The following STXBP5L variants were observed in gnomAD, a reference collection of about 807,000 sequenced individuals.
STXBP5L encodes the protein syntaxin binding protein 5L.
A neutral mutation model predicts 144.5 loss-of-function variants in STXBP5L; 65 were observed. The observed-to-expected ratio is 0.45, with a 90% CI of 0.37 to 0.55. STXBP5L has a LOEUF of 0.55. STXBP5L is among the 20% of genes least tolerant of loss of function. The probability of loss-of-function intolerance (pLI) is 0.00; values close to 1 mark genes in which losing one functional copy is unlikely to be tolerated. For synonymous variants in STXBP5L, 505 were observed against 469.6 expected (o/e 1.08, Z -0.97); for missense variants, 1,298 against 1,405.5 (o/e 0.92, Z 1.22).
chr3:121,111,867 C>G (rs1462980210), intron 5 of STXBP5L, among the ~76,000 whole-genome samples: 2 of 152,182 alleles, frequency 1.3e-5, no homozygotes, highest in East Asian at 1.9e-4. Flanking sequence ...ATGGCTGCCC[C>G]TCCTGCAAGG....
chr3:120,926,285 G>T (rs1163895910), intron 2 of STXBP5L, among the ~76,000 whole-genome samples: 2 of 151,502 alleles, frequency 1.3e-5, no homozygotes, highest in African/African-American at 4.8e-5. Flanking sequence ...TTGTTTCTCT[G>T]GGAAAGACTT....
intron 5 of STXBP5L, chr3:121,049,711 G>A (rs1947805410): frequency 6.5e-6 from 1 of 154,168 alleles, no homozygotes; most frequent in Non-Finnish European, 1.5e-5. Context: ...AAGGTCTACT[G>A]GGCCTAGTTA....
intron 20 of STXBP5L, among the ~76,000 whole-genome samples, chr3:121,336,591 A>G (rs932055914): frequency 2.0e-5 from 3 of 152,162 alleles, no homozygotes; most frequent in Non-Finnish European, 4.4e-5. Flanking sequence ...TATTAATAAA[A>G]AGTAAAAAAA....
intron 12 of STXBP5L, among the ~76,000 whole-genome samples, chr3:121,238,561 T>A (rs988516970): frequency 4.6e-5 from 7 of 152,186 alleles, no homozygotes; most frequent in African/African-American, 1.7e-4. Context: ...AGTCAAAATT[T>A]ACTTATATTT....
intron 11 of STXBP5L, among the ~76,000 whole-genome samples, chr3:121,226,466 ACAT>A (rs1280806215): frequency 2.0e-5 from 3 of 152,164 alleles, no homozygotes; most frequent in Non-Finnish European, 4.4e-5. Context: ...AGAAGAGACA[ACAT>A]CAACTTCTTT....
At chr3:121,040,153 C>G (rs2107544725) in intron 3 of STXBP5L, among the ~76,000 whole-genome samples, 1 of 152,112 alleles carries the variant, frequency 6.6e-6, no homozygotes, top group East Asian at 1.9e-4. Context: ...TTTTACTTCT[C>G]TGCAGTGAAT....
Position 121,279,743 on chromosome 3 carries a change from TG to T in STXBP5L, c.1959-61del, listed in dbSNP as rs2050992828. On this transcript the variant is annotated intron_variant, in intron 18 of 26. Transcript: ENST00000471454. ...CTTTTCAATAATCCTATGATTGATTTGAAGATAAAAATAATCATGCTTGTTG... is the reference window on the plus strand; with the variant it reads ...CTTTTCAATAATCCTATGATTGATTTAAGATAAAAATAATCATGCTTGTTG... 3.2e-6 allele frequency: 5 copies of T among 1,575,318 alleles called. 1 individual carries two copies. The South Asian group carries it at 5.7e-5, about 18-fold the overall frequency.
chr3:120,995,853 C>CTA (rs1943306620), intron 3 of STXBP5L, among the ~76,000 whole-genome samples: 1 of 152,098 alleles, frequency 6.6e-6, no homozygotes, highest in South Asian at 2.1e-4. Context: ...TCTTATGTTA[C>CTA]TATTTCCTCT....
At chr3:121,117,267 A>G (rs2044272829) in intron 6 of STXBP5L, among the ~76,000 whole-genome samples, 1 of 151,906 alleles carries the variant, frequency 6.6e-6, no homozygotes, top group Admixed American at 6.6e-5. Flanking sequence ...ACTATTTTAT[A>G]TATAAACCTG....
intron 22 of STXBP5L, among the ~76,000 whole-genome samples, chr3:121,389,497 T>G (rs2046520282): frequency 6.6e-6 from 1 of 152,360 alleles, no homozygotes; most frequent in South Asian, 2.1e-4. Context: ...TTTTAGATCT[T>G]TCCTGCTTTC....
At chr3:121,037,614 G>A (rs980982581) in intron 3 of STXBP5L, among the ~76,000 whole-genome samples, 1 of 151,998 alleles carries the variant, frequency 6.6e-6, no homozygotes, top group African/African-American at 2.4e-5. Flanking sequence ...TTAGTCTGAA[G>A]TTTTCTTGTT....
intron 5 of STXBP5L, among the ~76,000 whole-genome samples, chr3:121,104,766 A>T (rs1020152343): frequency 6.6e-6 from 1 of 152,236 alleles, no homozygotes; most frequent in African/African-American, 2.4e-5. Context: ...CAAAGACTTA[A>T]ATCTAACACC....
intron 9 of STXBP5L, among the ~76,000 whole-genome samples, chr3:121,186,688 C>T (rs560004525): frequency 2.5e-3 from 381 of 152,276 alleles, no homozygotes; most frequent in Non-Finnish European, 4.3e-3. Flanking sequence ...CTGCTGGATT[C>T]GGTTTGCCAG....
At chr3:121,315,836 T>C (rs563535571) in intron 19 of STXBP5L, among the ~76,000 whole-genome samples, 1 of 151,926 alleles carries the variant, frequency 6.6e-6, no homozygotes, top group South Asian at 2.1e-4. Context: ...ACCCTGTCTC[T>C]ACTAAAAATA....
intron 2 of STXBP5L, among the ~76,000 whole-genome samples, chr3:120,923,954 A>G (rs932727716): frequency 4.6e-5 from 7 of 152,140 alleles, no homozygotes; most frequent in African/African-American, 1.7e-4. Flanking sequence ...TATTCAACAC[A>G]TTTGTAGGAA....
At chr3:121,091,858 T>G (rs2042817828) in intron 5 of STXBP5L, among the ~76,000 whole-genome samples, 1 of 152,200 alleles carries the variant, frequency 6.6e-6, no homozygotes, top group Non-Finnish European at 1.5e-5. Flanking sequence ...CCCATGCCTA[T>G]GTCCTGAATG....
At chr3:121,323,407 C>A (rs922343106) in intron 20 of STXBP5L, among the ~76,000 whole-genome samples, 2 of 152,204 alleles carry the variant, frequency 1.3e-5, no homozygotes, top group East Asian at 3.9e-4. Context: ...ATGTGGGTCT[C>A]AAACTTCCTT....
chr3:121,346,432 A>G (rs2044987446), intron 20 of STXBP5L, among the ~76,000 whole-genome samples: 1 of 152,156 alleles, frequency 6.6e-6, no homozygotes, highest in Non-Finnish European at 1.5e-5. Context: ...GTGTCTTTAT[A>G]GCAGCATTAT....
intron 3 of STXBP5L, among the ~76,000 whole-genome samples, chr3:121,023,351 A>AT (rs2107467361): frequency 6.6e-6 from 1 of 152,294 alleles, no homozygotes; most frequent in South Asian, 2.1e-4. Context: ...TGCAATTATC[A>AT]TCTAAATACC....
Sources: gnomAD v4.1 joint callset for allele counts (sites outside exome capture counted in the v4.1 genomes callset) on GRCh38, gnomAD v4.1.1 for gene constraint, MANE v1.5 for transcripts, NCBI Gene and HGNC (gene_info 2026-07-23, HGNC 2026-07-21) for gene names.